Variants in RPLP2 observed in about 807,000 individuals in gnomAD.
RPLP2 encodes the protein large ribosomal subunit protein P2.
Under a neutral mutation model 11.5 loss-of-function variants are expected in RPLP2, and 1 was observed. The ratio of observed to expected loss-of-function variants is 0.09; its 90% CI spans 0.03 to 0.41. RPLP2 has a LOEUF of 0.41. Among genes scored for constraint, RPLP2 ranks in the 10% least tolerant of loss-of-function variants. The pLI is 0.98. For missense variants in RPLP2, 177 were observed against 145.6 expected (o/e 1.22, Z -1.11); for synonymous variants, 82 against 55.9 (o/e 1.47, Z -2.08).
rs1865969579 is a variant in RPLP2, at chr11:809,972, T to C, written c.-69T>C. ...GCCTCTTGCGTCGGCGCCTTCCTTT[T>C]CCTCCCTGTCGCCACCGAGGTCGCA... is the stretch of plus-strand genomic sequence containing the variant. On this transcript the variant is annotated 5_prime_UTR_variant, in exon 1 of 5. Coordinates refer to ENST00000321153, the MANE Select transcript of RPLP2 (RefSeq NM_001004.4). 1.1e-5 allele frequency: 4 copies of C among 375,390 alleles called. No individual in the cohort carries two copies. The highest frequency in any genetic ancestry group is 2.1e-5 in the African/African-American group (1 of 46,922). 23.3% of individuals were successfully genotyped at this position (375,390 alleles called of 1,614,324 possible).
intron 3 of RPLP2, chr11:812,159 C>T: frequency 2.6e-6 from 1 of 385,114 alleles, no homozygotes; most frequent in Non-Finnish European, 4.9e-6. Flanking sequence ...AGGGCCAGCT[C>T]AGCAAACGGG....
rs1468774664 is a variant in RPLP2, at chr11:810,328, A to T, written c.94A>T (p.Ile32Phe). The T allele has an allele frequency of 8.1e-6, 13 of 1,608,284 alleles. No homozygotes were observed. Among genetic ancestry groups the T allele is most frequent in the Non-Finnish European group, 8.5e-7 (1 of 1,178,068 alleles). Reference sequence around the variant, plus strand: ...CAAGAAGATCTTGGACAGCGTGGGTATCGAGGCGGACGACGACCGGCTCAA... The same window carrying T: ...CAAGAAGATCTTGGACAGCGTGGGTTTCGAGGCGGACGACGACCGGCTCAA... Reference protein sequence around the residue: ...DIKKILDSVGIEADDDRLNKV... With the variant: ...DIKKILDSVGFEADDDRLNKV... The change falls in exon 2 of 5, where the codon ATC (isoleucine) becomes TTC (phenylalanine). Residue 32 changes from isoleucine to phenylalanine, a missense_variant. Coordinates refer to ENST00000321153, the MANE Select transcript of RPLP2 (RefSeq NM_001004.4).
chr11:810,296 A>G lies in RPLP2; in HGVS notation c.62A>G (p.Lys21Arg), dbSNP rs1339054813. 16 of 1,609,360 alleles carry G rather than the reference A, an allele frequency of 9.9e-6. No individual in the cohort carries two copies. The Middle Eastern group carries it at 6.9e-4, about 70-fold the overall frequency. Residue 21 changes from lysine to arginine, a missense_variant, in exon 2 of 5, where the codon AAG becomes AGG. Coordinates refer to ENST00000321153, the MANE Select transcript of RPLP2 (RefSeq NM_001004.4). Reference protein sequence around the residue: ...ALGGNSSPSAKDIKKILDSVG... With the variant: ...ALGGNSSPSARDIKKILDSVG... Reference sequence around the variant, plus strand: ...GGGGGCAACTCCTCCCCCAGCGCCAAGGACATCAAGAAGATCTTGGACAGC... The same window carrying G: ...GGGGGCAACTCCTCCCCCAGCGCCAGGGACATCAAGAAGATCTTGGACAGC...
intron 3 of RPLP2, chr11:812,195 C>G: frequency 4.9e-6 from 2 of 411,106 alleles, no homozygotes; most frequent in Non-Finnish European, 9.2e-6. Flanking sequence ...AGCGTTGTGG[C>G]CAGAGATGTG....
chr11:809,988 C>G lies in RPLP2; in HGVS notation c.-53C>G, dbSNP rs1040929208. The G allele has an allele frequency of 2.4e-6, 1 of 411,368 alleles. No individual in the cohort carries two copies. Among genetic ancestry groups the G allele is most frequent in the East Asian group, 4.1e-5 (1 of 24,516 alleles). The allele number at this position is 411,368 out of a possible 1,614,324, so 25.5% of individuals were successfully genotyped here. ...CCTTCCTTTTCCTCCCTGTCGCCAC[C>G]GAGGTCGCACGCGTGAGACTTCTCC... On this transcript the variant is annotated 5_prime_UTR_variant, in exon 1 of 5. Transcript: ENST00000321153.
intron 2 of RPLP2, 180 bp downstream of exon 2, chr11:810,537 T>A (rs1866000810): frequency 1.9e-6 from 1 of 536,750 alleles, no homozygotes; most frequent in African/African-American, 2.0e-5. Context: ...CTCACGCCTG[T>A]AGTCCCAGTA....
rs539883892 is a variant in RPLP2 at position 811,405 on chromosome 11, G to A, written c.124-192G>A. The A allele has an allele frequency of 1.4e-5, 9 of 628,124 alleles. No homozygotes were observed. The South Asian group carries it at 1.6e-4, about 11-fold the overall frequency. 38.9% of individuals were successfully genotyped at this position (628,124 alleles called of 1,614,324 possible). ...GTCCTTTTGTCAGTCCTAAGTCTAAGAAAGCTAGTGTCCATTTATTTTTAT... is the reference window on the plus strand; with the variant it reads ...GTCCTTTTGTCAGTCCTAAGTCTAAAAAAGCTAGTGTCCATTTATTTTTAT... On this transcript the variant is annotated intron_variant, in intron 2 of 4. Coordinates refer to ENST00000321153, the MANE Select transcript of RPLP2 (RefSeq NM_001004.4).
In RPLP2 at chr11:812,742, C is replaced by G. The variant is rs1292990268; in HGVS notation, c.272-18C>G. The G allele has an allele frequency of 2.5e-6, 4 of 1,611,036 alleles. No individual in the cohort carries two copies. Among genetic ancestry groups the G allele is most frequent in the Non-Finnish European group, 3.4e-6 (4 of 1,177,502 alleles). On this transcript the variant is annotated intron_variant, in intron 4 of 4. Coordinates refer to ENST00000321153, the MANE Select transcript of RPLP2 (RefSeq NM_001004.4). ...GGCACTTGGGCAGTGCTCACCATGC[C>G]TCTCCTCTGTTCCACAGCAGAGGAG... is the stretch of plus-strand genomic sequence containing the variant.
At chr11:811,377 T>C (rs1866052485) in intron 2 of RPLP2, 2 of 594,038 alleles carry the variant, frequency 3.4e-6, no homozygotes, top group Non-Finnish European at 6.0e-6. Flanking sequence ...TGAGATGCCC[T>C]GTGTCCTTTT....
intron 2 of RPLP2, among the ~76,000 whole-genome samples, chr11:810,909 C>T (rs866553872): frequency 6.9e-6 from 1 of 145,568 alleles, no homozygotes; most frequent in African/African-American, 2.5e-5. Context: ...GCAGTCCTGG[C>T]GCATGGCTCA....
chr11:810,345 C>G lies in RPLP2; in HGVS notation c.111C>G (p.Asp37Glu), dbSNP rs200161310. The G allele has an allele frequency of 2.4e-5, 39 of 1,607,316 alleles. No homozygotes were observed. Among genetic ancestry groups the G allele is most frequent in the Admixed American group, 8.4e-5 (5 of 59,586 alleles). The change falls in exon 2 of 5, where the codon GAC becomes GAG. Residue 37 changes from aspartate to glutamate, a missense_variant. Physicochemically the swap from Asp to Glu is conservative, Grantham distance 45 (BLOSUM62 2). Coordinates refer to ENST00000321153, the MANE Select transcript of RPLP2 (RefSeq NM_001004.4). ...GCGTGGGTATCGAGGCGGACGACGA[C>G]CGGCTCAACAAGGTAGCGGCCGCCC... ...LDSVGIEADD[D>E]RLNKVISELN...
chr11:812,754 C>T lies in RPLP2; in HGVS notation c.272-6C>T. 6.2e-7 allele frequency: 1 copy of T among 1,608,870 alleles called. No individual in the cohort carries two copies. Among genetic ancestry groups the T allele is most frequent in the Non-Finnish European group, 8.5e-7 (1 of 1,175,334 alleles). On this transcript the variant is annotated splice_region_variant and splice_polypyrimidine_tract_variant and intron_variant, in intron 4 of 4. Transcript: ENST00000321153. ...GTGCTCACCATGCCTCTCCTCTGTT[C>T]CACAGCAGAGGAGAAGAAAGATGAG...
rs1866065197 is a variant in RPLP2, at chr11:811,635, C to A, written c.162C>A (p.Val54=). The part of the protein sequence containing the change: ...SELNGKNIED[V]IAQGIGKLAS... ...TGAATGGAAAAAACATTGAAGACGT[C>A]ATTGCCCAGGGTGAGTTGATGTGGA... Residue 54 remains valine, a synonymous_variant, in exon 3 of 5, where the codon GTC becomes GTA. Transcript: ENST00000321153. 1 of 1,614,240 alleles carries A rather than the reference C, an allele frequency of 6.2e-7. No homozygotes were observed. Among genetic ancestry groups the A allele is most frequent in the Non-Finnish European group, 8.5e-7 (1 of 1,180,036 alleles).
At chr11:812,177 A>G (rs1866085999) in intron 3 of RPLP2, 5 of 399,760 alleles carry the variant, frequency 1.3e-5, no homozygotes, top group Middle Eastern at 7.8e-4. Context: ...GGGCCAAGCC[A>G]TGAACACAGC....
chr11:810,132 C>G, intron 1 of RPLP2, 93 bp downstream of exon 1: 1 of 1,341,972 alleles, frequency 7.5e-7, no homozygotes, highest in East Asian at 3.1e-5. Flanking sequence ...GGACGGAGGC[C>G]TACGGGCCGA....
rs776406183 is a variant in RPLP2, at chr11:812,786, G to A, written c.298G>A (p.Glu100Lys). Reference sequence around the variant, plus strand: ...AGAGGAGAAGAAAGATGAGAAGAAGGAGGAGTCTGAAGAGTCAGATGATGA... The same window carrying A: ...AGAGGAGAAGAAAGATGAGAAGAAGAAGGAGTCTGAAGAGTCAGATGATGA... Reference protein sequence around the residue: ...AAEEKKDEKKEESEESDDDMG... With the variant: ...AAEEKKDEKKKESEESDDDMG... Residue 100 changes from glutamate (E) to lysine (K), a missense_variant, in exon 5 of 5, where the codon GAG becomes AAG. By Grantham distance (56) the Glu-to-Lys change is moderately conservative. Coordinates refer to ENST00000321153, the MANE Select transcript of RPLP2 (RefSeq NM_001004.4). 1.2e-6 allele frequency: 2 copies of A among 1,613,672 alleles called. No individual in the cohort carries two copies. The highest frequency in any genetic ancestry group is 1.7e-6 in the Non-Finnish European group (2 of 1,179,966).
intron 2 of RPLP2, among the ~76,000 whole-genome samples, chr11:810,870 G>A (rs111562988): frequency 0.028 from 3,865 of 140,044 alleles, 188 homozygotes; most frequent in African/African-American, 0.091. Context: ...CCAGTGAGCT[G>A]CGTAAGATTG....
In RPLP2 at chr11:812,867, T is replaced by A; in HGVS notation, c.*31T>A. ...TGCTCCCCTGCAAATAAAGCCTTTT[T>A]ACACATCTCTCAAGTATTCCATGAG... On this transcript the variant is annotated 3_prime_UTR_variant, in exon 5 of 5. Coordinates refer to ENST00000321153, the MANE Select transcript of RPLP2 (RefSeq NM_001004.4). The A allele has an allele frequency of 6.2e-7, 1 of 1,608,748 alleles. No homozygotes were observed. Among genetic ancestry groups the A allele is most frequent in the South Asian group, 1.1e-5 (1 of 90,912 alleles).
chr11:812,207 A>C, intron 3 of RPLP2: 1 of 425,042 alleles, frequency 2.4e-6, no homozygotes, highest in Non-Finnish European at 4.4e-6. Flanking sequence ...AGAGATGTGG[A>C]TACTGGGGCA....
Sources: gnomAD v4.1 joint callset for allele counts (sites outside exome capture counted in the v4.1 genomes callset) on GRCh38, gnomAD v4.1.1 for gene constraint, MANE v1.5 for transcripts, NCBI Gene and HGNC (gene_info 2026-07-23, HGNC 2026-07-21) for gene names.